Variants in TSPAN5 observed in about 807,000 individuals in gnomAD.
TSPAN5 encodes the protein tetraspanin-5.
Under a neutral mutation model 37.1 loss-of-function variants are expected in TSPAN5, and 10 were observed. The observed-to-expected ratio is 0.27, with a 90% CI of 0.17 to 0.46. TSPAN5 has a LOEUF of 0.46. Ranked by LOEUF, TSPAN5 falls within the 20% of genes least tolerant of loss-of-function variation. The pLI is 1.00. For synonymous variants in TSPAN5, 110 were observed against 118.9 expected (o/e 0.93, Z 0.48); for missense variants, 195 against 326.6 (o/e 0.60, Z 3.11).
At chr4:98,569,122 G>C (rs1244423429) in intron 1 of TSPAN5, among the ~76,000 whole-genome samples, 4 of 152,124 alleles carry the variant, frequency 2.6e-5, no homozygotes, top group East Asian at 3.9e-4. Flanking sequence ...ACTTCTCTTT[G>C]TTTTTATTCC....
At chr4:98,568,872 A>G (rs2110178949) in intron 1 of TSPAN5, among the ~76,000 whole-genome samples, 1 of 152,330 alleles carries the variant, frequency 6.6e-6, no homozygotes, top group South Asian at 2.1e-4. Flanking sequence ...TTGAAAGTGG[A>G]GGAAAGCAGA....
intron 1 of TSPAN5, among the ~76,000 whole-genome samples, chr4:98,556,134 T>C (rs1248227352): frequency 1.4e-5 from 2 of 145,426 alleles, no homozygotes; most frequent in South Asian, 2.3e-4. Context: ...GACTTCACAA[T>C]CCTTACACAC....
intron 5 of TSPAN5, 107 bp from the exon 6 acceptor site, chr4:98,476,567 T>G: frequency 9.7e-7 from 1 of 1,027,010 alleles, no homozygotes; most frequent in East Asian, 2.4e-5. Flanking sequence ...AATGTGTATC[T>G]GGGCACAAAG....
chr4:98,630,897 C>A (rs1431358316), intron 1 of TSPAN5, among the ~76,000 whole-genome samples: 1 of 152,180 alleles, frequency 6.6e-6, no homozygotes, highest in Admixed American at 6.5e-5. Flanking sequence ...CTGGGAAGTA[C>A]AAACGAAGGG....
chr4:98,537,169 A>G (rs1392195557), intron 1 of TSPAN5, among the ~76,000 whole-genome samples: 1 of 152,130 alleles, frequency 6.6e-6, no homozygotes, highest in East Asian at 1.9e-4. Context: ...GGTTGCGAAG[A>G]CTGTGGAACA....
At chr4:98,579,091 C>T (rs1271571519) in intron 1 of TSPAN5, among the ~76,000 whole-genome samples, 1 of 152,080 alleles carries the variant, frequency 6.6e-6, no homozygotes, top group Non-Finnish European at 1.5e-5. Flanking sequence ...GCTGTCCTCC[C>T]CACAAAGCTG....
chr4:98,594,262 A>G lies in TSPAN5; in HGVS notation c.81+63884T>C, dbSNP rs1254400362. Reference sequence around the variant, plus strand: ...GTTTGTCTGTTGTTGGTGTATAAGAATGCTTGTGATTTTTGTACATTGATT... The same window carrying G: ...GTTTGTCTGTTGTTGGTGTATAAGAGTGCTTGTGATTTTTGTACATTGATT... On this transcript the variant is annotated intron_variant, in intron 1 of 7. Transcript: ENST00000305798. Among the ~76,000 whole-genome samples, 17 of 127,356 alleles carry G rather than the reference A, an allele frequency of 1.3e-4. 1 individual carries two copies. The highest frequency in any genetic ancestry group is 9.3e-4 in the Admixed American group (12 of 12,902). 83.6% of individuals were successfully genotyped at this position (127,356 alleles called of 152,430 possible). A position where few individuals can be genotyped will look rare whatever the true frequency, so the allele number is the denominator to read the frequency against.
At chr4:98,520,620 A>C (rs993977503) in intron 1 of TSPAN5, among the ~76,000 whole-genome samples, 1 of 152,240 alleles carries the variant, frequency 6.6e-6, no homozygotes, top group African/African-American at 2.4e-5. Flanking sequence ...TGGTCAAGTC[A>C]CTGAATGATA....
At chr4:98,594,316 T>C (rs374035785) in intron 1 of TSPAN5, among the ~76,000 whole-genome samples, 1 of 104,716 alleles carries the variant, frequency 9.5e-6, no homozygotes, top group African/African-American at 5.2e-5. Context: ...CTGAAGTTGC[T>C]TATCAGCTTA....
rs189666133 is a variant in TSPAN5 at position 98,563,657 on chromosome 4, T to C, written c.82-55929A>G. ...GGAATAAAAATCACTTCAGGGCATT[T>C]TCAAATGGCTTTTCCAAAACTAGAA... On this transcript the variant is annotated intron_variant, in intron 1 of 7. Coordinates refer to ENST00000305798, the MANE Select transcript of TSPAN5 (RefSeq NM_005723.4). Among the ~76,000 whole-genome samples, 37 of 152,338 alleles carry C rather than the reference T, an allele frequency of 2.4e-4. 1 individual carries two copies. In the East Asian group the frequency reaches 3.3e-3, roughly 13 times the overall value.
intron 1 of TSPAN5, among the ~76,000 whole-genome samples, chr4:98,521,702 G>T (rs946108603): frequency 5.3e-5 from 8 of 152,222 alleles, no homozygotes; most frequent in Non-Finnish European, 1.2e-4. Context: ...GCTTCAGCTT[G>T]CCCTGTGGGA....
At chr4:98,519,180 G>A (rs961557488) in intron 1 of TSPAN5, among the ~76,000 whole-genome samples, 1 of 152,124 alleles carries the variant, frequency 6.6e-6, no homozygotes, top group African/African-American at 2.4e-5. Flanking sequence ...GGAAGCAGCA[G>A]GGTACAAGGT....
intron 1 of TSPAN5, among the ~76,000 whole-genome samples, chr4:98,587,357 C>A (rs1324225293): frequency 6.6e-6 from 1 of 152,182 alleles, no homozygotes; most frequent in East Asian, 1.9e-4. Context: ...TAGTTGCAGA[C>A]AAAGCCCCAC....
At chr4:98,638,427 G>A (rs566838386) in intron 1 of TSPAN5, among the ~76,000 whole-genome samples, 6 of 152,264 alleles carry the variant, frequency 3.9e-5, no homozygotes, top group East Asian at 1.9e-4. Flanking sequence ...CATACTTTGT[G>A]GGGGAGGCCC....
At chr4:98,581,072 A>G (rs1202276384) in intron 1 of TSPAN5, among the ~76,000 whole-genome samples, 2 of 152,342 alleles carry the variant, frequency 1.3e-5, no homozygotes, top group Non-Finnish European at 2.9e-5. Context: ...TAACGGGAAC[A>G]ATCTGTTGGC....
chr4:98,633,111 T>C (rs1476926240), intron 1 of TSPAN5, among the ~76,000 whole-genome samples: 2 of 152,042 alleles, frequency 1.3e-5, no homozygotes, highest in East Asian at 1.9e-4. Context: ...CCAAAGGTGA[T>C]AGGTGAGAGG....
At chr4:98,497,365 C>T (rs536047000) in intron 2 of TSPAN5, among the ~76,000 whole-genome samples, 1 of 151,818 alleles carries the variant, frequency 6.6e-6, no homozygotes, top group African/African-American at 2.4e-5. Flanking sequence ...CCCTCCCTCT[C>T]TCACTCTGCC....
intron 1 of TSPAN5, among the ~76,000 whole-genome samples, chr4:98,621,796 C>CG (rs1196599528): frequency 1.1e-4 from 16 of 151,100 alleles, no homozygotes; most frequent in African/African-American, 3.4e-4. Context: ...CCACCCCCCC[C>CG]GCAGCCCCTG....
chr4:98,519,355 C>T (rs1012645268), intron 1 of TSPAN5, among the ~76,000 whole-genome samples: 12 of 151,880 alleles, frequency 7.9e-5, no homozygotes, highest in African/African-American at 1.5e-4. Flanking sequence ...AAAGATTAGC[C>T]GGGCATGGTG....
Sources: allele counts gnomAD v4.1 joint callset (sites outside exome capture counted in the v4.1 genomes callset), GRCh38; gene constraint gnomAD v4.1.1; transcripts MANE v1.5; gene names NCBI Gene and HGNC (gene_info 2026-07-23, HGNC 2026-07-21).